TASP1: variants seen among roughly 807,000 people sequenced by gnomAD.
The protein encoded by TASP1 is taspase 1.
TASP1 carries 16 observed loss-of-function variants against 56.6 expected under a neutral mutation model. The observed-to-expected ratio is 0.28, with a 90% confidence interval of 0.19 to 0.43. The LOEUF (loss-of-function observed/expected upper bound fraction) is 0.43, where lower values mean the gene tolerates loss of function less well. Among genes scored for constraint, TASP1 ranks in the 20% least tolerant of loss-of-function variants. The probability of loss-of-function intolerance (pLI) is 1.00; values close to 1 mark genes in which losing one functional copy is unlikely to be tolerated. For synonymous variants in TASP1, 179 were observed against 184.2 expected, an observed-to-expected ratio of 0.97 and a Z score of 0.23; for missense variants, 393 against 511.6, an observed-to-expected ratio of 0.77 and a Z score of 2.24.
chr20:13,250,433 CAG>C, the TASP1 span, among the ~76,000 whole-genome samples: 1 of 151,988 alleles, frequency 6.6e-6, no homozygotes, highest in Non-Finnish European at 1.5e-5. Context: ...TTTTAGCAAA[CAG>C]AGCAGGAAAA....
chr20:13,465,341 C>T (rs1414152267), intron 11 of TASP1, among the ~76,000 whole-genome samples: 1 of 151,772 alleles, frequency 6.6e-6, no homozygotes, highest in African/African-American at 2.4e-5. Context: ...TAGTGACAAA[C>T]CTAGCAAAGA....
the TASP1 span, among the ~76,000 whole-genome samples, chr20:13,119,798 G>A: frequency 0.37 from 56,058 of 152,028 alleles, 10,498 homozygotes; most frequent in Admixed American, 0.42. Flanking sequence ...AAAACATAGG[G>A]GCTGTTTCCA....
chr20:13,405,725 T>C (rs1459996788), intron 13 of TASP1, among the ~76,000 whole-genome samples: 1 of 150,868 alleles, frequency 6.6e-6, no homozygotes, highest in Non-Finnish European at 1.5e-5. Context: ...TTTTTTTTTT[T>C]TTTTGTATTT....
At chr20:13,448,913 G>A (rs2043513719) in intron 11 of TASP1, among the ~76,000 whole-genome samples, 1 of 152,040 alleles carries the variant, frequency 6.6e-6, no homozygotes, top group African/African-American at 2.4e-5. Context: ...TTAGTTCTAA[G>A]AGGGGTTAGA....
At chr20:13,129,535 C>A in the TASP1 span, among the ~76,000 whole-genome samples, 1 of 152,162 alleles carries the variant, frequency 6.6e-6, no homozygotes, top group Non-Finnish European at 1.5e-5. Flanking sequence ...ATTCTTTGGT[C>A]TTGTTTTAAA....
the TASP1 span, among the ~76,000 whole-genome samples, chr20:13,380,871 C>T: frequency 2.6e-5 from 4 of 152,170 alleles, no homozygotes; most frequent in Non-Finnish European, 5.9e-5. Context: ...GCTTTGTTTA[C>T]ACTGTGAGGG....
intron 4 of TASP1, among the ~76,000 whole-genome samples, chr20:13,589,955 G>T (rs1238144828): frequency 6.6e-6 from 1 of 152,150 alleles, no homozygotes; most frequent in African/African-American, 2.4e-5. Flanking sequence ...AATGTGGCCA[G>T]CCATGGTGGC....
chr20:13,622,161 C>G (rs764238605), intron 4 of TASP1, among the ~76,000 whole-genome samples: 1 of 152,178 alleles, frequency 6.6e-6, no homozygotes, highest in Non-Finnish European at 1.5e-5. Context: ...GGGGTGCTTA[C>G]TACGTACCAC....
At chr20:13,393,345 A>C in intron 13 of TASP1, 1 of 753,228 alleles carries the variant, frequency 1.3e-6, no homozygotes, top group Non-Finnish European at 2.4e-6. Context: ...CCCCGAGCTG[A>C]ACAGGAAGCT....
At chr20:13,361,417 C>G in the TASP1 span, among the ~76,000 whole-genome samples, 1 of 152,034 alleles carries the variant, frequency 6.6e-6, no homozygotes, top group Non-Finnish European at 1.5e-5. Context: ...TCAGTGAAAC[C>G]TTTATATCCC....
the TASP1 span, among the ~76,000 whole-genome samples, chr20:13,118,622 C>A: frequency 6.6e-6 from 1 of 152,142 alleles, no homozygotes; most frequent in East Asian, 1.9e-4. Flanking sequence ...TCAGACAAAC[C>A]TACACCTGTC....
intron 11 of TASP1, among the ~76,000 whole-genome samples, chr20:13,439,045 T>C (rs957232678): frequency 3.3e-5 from 5 of 152,192 alleles, no homozygotes; most frequent in Admixed American, 1.3e-4. Flanking sequence ...GGAAGACTTT[T>C]ACACTGTTGG....
the TASP1 span, among the ~76,000 whole-genome samples, chr20:13,326,975 G>T: frequency 1.3e-5 from 2 of 152,174 alleles, no homozygotes; most frequent in Non-Finnish European, 2.9e-5. Context: ...CAATCAGGAA[G>T]AGAAAGAAAT....
chr20:13,270,781 C>G, the TASP1 span: 62 of 1,591,216 alleles, frequency 3.9e-5, no homozygotes, highest in Non-Finnish European at 5.3e-5. Flanking sequence ...GATAACAAAA[C>G]AGTCCATCTT....
chr20:13,110,314 CT>C, the TASP1 span: 1 of 1,032,356 alleles, frequency 9.7e-7, no homozygotes, highest in Non-Finnish European at 1.4e-6. Context: ...AGAGAAATGA[CT>C]TAGAATTGGT....
At chr20:13,328,724 G>T in the TASP1 span, among the ~76,000 whole-genome samples, 1 of 149,146 alleles carries the variant, frequency 6.7e-6, no homozygotes, top group Non-Finnish European at 1.5e-5. Flanking sequence ...CAAACACCAT[G>T]TGTTCTCACT....
the TASP1 span, among the ~76,000 whole-genome samples, chr20:13,347,682 T>C: frequency 6.6e-6 from 1 of 152,052 alleles, no homozygotes; most frequent in African/African-American, 2.4e-5. Flanking sequence ...CTACTAAAAA[T>C]ACAAAAAATT....
chr20:13,603,712 T>C (rs976336588), intron 4 of TASP1, among the ~76,000 whole-genome samples: 3 of 152,230 alleles, frequency 2.0e-5, no homozygotes, highest in African/African-American at 4.8e-5. Context: ...CAGTTTTATA[T>C]AGATTGCAAA....
rs1357807340 is a variant in TASP1, at chr20:13,576,361, G to GA, written c.488+4535dup. On this transcript the variant is annotated intron_variant, in intron 6 of 13. Coordinates refer to ENST00000337743, the MANE Select transcript of TASP1 (RefSeq NM_017714.3). ...AGAAAGGAAGAAAGAAAGAAAGAAAGAAAGAAAGAAAGAAAGAAAGAAAGA... is the reference window on the plus strand; with the variant it reads ...AGAAAGGAAGAAAGAAAGAAAGAAAGAAAAGAAAGAAAGAAAGAAAGAAAGA... Among the ~76,000 whole-genome samples the GA allele has an allele frequency of 1.7e-4, 20 of 119,858 alleles. No homozygotes were observed. In the Admixed American group the frequency reaches 1.7e-3, roughly 10 times the overall value. 78.6% of individuals were successfully genotyped at this position (119,858 alleles called of 152,430 possible).
Sources: allele counts gnomAD v4.1 joint callset (sites outside exome capture counted in the v4.1 genomes callset), GRCh38; gene constraint gnomAD v4.1.1; transcripts MANE v1.5; gene names NCBI Gene and HGNC (gene_info 2026-07-23, HGNC 2026-07-21).